TAFA1: variants seen among roughly 807,000 people sequenced by gnomAD.
TAFA1 encodes chemokine-like protein TAFA-1.
Under a neutral mutation model 18.5 loss-of-function variants are expected in TAFA1, and 4 were observed. The observed-to-expected ratio is 0.22, with a 90% CI of 0.11 to 0.49. TAFA1 has a LOEUF of 0.49. TAFA1 is among the 20% of genes least tolerant of loss of function. The probability of loss-of-function intolerance (pLI) is 0.98; values close to 1 mark genes in which losing one functional copy is unlikely to be tolerated. For synonymous variants in TAFA1, 56 were observed against 55.2 expected (o/e 1.01, Z -0.06); for missense variants, 147 against 169.0 (o/e 0.87, Z 0.72).
chr3:68,042,745 T>TA (rs1705192277), intron 2 of TAFA1, among the ~76,000 whole-genome samples: 2 of 152,204 alleles, frequency 1.3e-5, no homozygotes, highest in South Asian at 2.1e-4. Flanking sequence ...TTTCATGACA[T>TA]ATCTTAGAAT....
At chr3:68,008,322 C>A (rs1367387108) in intron 2 of TAFA1, among the ~76,000 whole-genome samples, 2 of 152,228 alleles carry the variant, frequency 1.3e-5, no homozygotes, top group Non-Finnish European at 1.5e-5. Flanking sequence ...TTTGTTCTGG[C>A]ACAAATGTCT....
chr3:68,510,669 C>T (rs1300864144), intron 3 of TAFA1, among the ~76,000 whole-genome samples: 4 of 152,074 alleles, frequency 2.6e-5, no homozygotes, highest in South Asian at 2.1e-4. Context: ...TAAACTGAGA[C>T]TCAAAAAAGT....
intron 2 of TAFA1, among the ~76,000 whole-genome samples, chr3:68,132,044 G>A (rs375166189): frequency 6.6e-5 from 10 of 151,936 alleles, no homozygotes; most frequent in South Asian, 2.1e-4. Context: ...CTCATCCCCC[G>A]GACAGGCCCA....
At position 68,538,802 on chromosome 3, in the gene TAFA1, A is replaced by G; in HGVS notation, c.306A>G (p.Leu102=). The G allele has an allele frequency of 6.2e-7, 1 of 1,613,584 alleles. No individual in the cohort carries two copies. Among genetic ancestry groups the G allele is most frequent in the Non-Finnish European group, 8.5e-7 (1 of 1,179,632 alleles). ...GKWWCEMEPC[L]EGEECKTLPD... is the part of the protein sequence containing the mutation. ...GGTGGTGTGAGATGGAGCCTTGCCT[A>G]GAAGGAGAAGAATGTAAGACACTCC... is the stretch of plus-strand genomic sequence containing the variant. The change falls in exon 4 of 5, where the codon CTA becomes CTG. Residue 102 remains leucine (L), a synonymous_variant. Transcript: ENST00000478136.
chr3:68,395,364 A>G (rs960887988), intron 2 of TAFA1, among the ~76,000 whole-genome samples: 2 of 152,202 alleles, frequency 1.3e-5, no homozygotes, highest in Non-Finnish European at 2.9e-5. Context: ...TAGTTCAACC[A>G]TTGTGGGAAA....
At chr3:68,520,029 C>T (rs959674801) in intron 3 of TAFA1, among the ~76,000 whole-genome samples, 1 of 152,124 alleles carries the variant, frequency 6.6e-6, no homozygotes, top group Non-Finnish European at 1.5e-5. Context: ...GATCGTATGA[C>T]CAACAAAATC....
chr3:68,071,071 C>A (rs375973020), intron 2 of TAFA1, among the ~76,000 whole-genome samples: 62 of 152,326 alleles, frequency 4.1e-4, no homozygotes, highest in African/African-American at 1.3e-3. Context: ...ATCTTTTCAG[C>A]AGTCCCCCAT....
At chr3:68,460,602 A>G (rs1297684646) in intron 3 of TAFA1, among the ~76,000 whole-genome samples, 1 of 152,196 alleles carries the variant, frequency 6.6e-6, no homozygotes, top group Non-Finnish European at 1.5e-5. Flanking sequence ...ATAGATTCAG[A>G]GCATCTCTCG....
chr3:68,289,367 T>C (rs1194666789), intron 2 of TAFA1, among the ~76,000 whole-genome samples: 2 of 149,856 alleles, frequency 1.3e-5, no homozygotes, highest in Non-Finnish European at 3.0e-5. Flanking sequence ...TGTGTCCTAT[T>C]TTAAAATCTC....
At chr3:68,001,425 T>C (rs563204221), upstream of TAFA1, among the ~76,000 whole-genome samples, 109 of 152,314 alleles carry the variant, frequency 7.2e-4, no homozygotes, top group East Asian at 7.7e-4. Flanking sequence ...CTGAAAATTC[T>C]GCCTTACGGA....
intron 2 of TAFA1, among the ~76,000 whole-genome samples, chr3:68,378,012 C>T (rs1242569604): frequency 6.6e-6 from 1 of 152,178 alleles, no homozygotes; most frequent in Non-Finnish European, 1.5e-5. Flanking sequence ...CCTGGATGTC[C>T]AGGCAGAAGT....
At chr3:68,481,286 G>T (rs989589250) in intron 3 of TAFA1, among the ~76,000 whole-genome samples, 5 of 152,192 alleles carry the variant, frequency 3.3e-5, no homozygotes, top group Non-Finnish European at 7.3e-5. Flanking sequence ...GGCACCACCA[G>T]GGAGATCATC....
At chr3:68,069,347 A>C (rs1029491978) in intron 2 of TAFA1, among the ~76,000 whole-genome samples, 1 of 152,186 alleles carries the variant, frequency 6.6e-6, no homozygotes, top group Non-Finnish European at 1.5e-5. Flanking sequence ...TTGAGCAGGG[A>C]AAGTCCCCCT....
At chr3:67,996,905 C>T in the TAFA1 span, among the ~76,000 whole-genome samples, 1 of 151,990 alleles carries the variant, frequency 6.6e-6, no homozygotes, top group African/African-American at 2.4e-5. Context: ...AGTGGAGAGA[C>T]AATAATAGAG....
At chr3:68,464,277 C>G (rs2071840674) in intron 3 of TAFA1, among the ~76,000 whole-genome samples, 1 of 152,008 alleles carries the variant, frequency 6.6e-6, no homozygotes, top group Non-Finnish European at 1.5e-5. Flanking sequence ...AATGAAAATG[C>G]AAAAAGAATA....
the TAFA1 span, among the ~76,000 whole-genome samples, chr3:67,993,136 C>T: frequency 2.0e-5 from 3 of 152,234 alleles, no homozygotes; most frequent in Non-Finnish European, 4.4e-5. Context: ...AGAACCTAGT[C>T]CACAGGACCA....
chr3:68,025,211 C>G (rs916148176), intron 2 of TAFA1, among the ~76,000 whole-genome samples: 3 of 152,138 alleles, frequency 2.0e-5, no homozygotes, highest in Admixed American at 2.0e-4. Context: ...CCATTCTTCT[C>G]AGATTTTACA....
At chr3:68,078,416 T>G (rs2106767080) in intron 2 of TAFA1, among the ~76,000 whole-genome samples, 1 of 152,338 alleles carries the variant, frequency 6.6e-6, no homozygotes, top group Non-Finnish European at 1.5e-5. Context: ...CTTCCAATTT[T>G]TGCCCATTCA....
chr3:68,386,511 C>A (rs564517953), intron 2 of TAFA1, among the ~76,000 whole-genome samples: 4 of 152,162 alleles, frequency 2.6e-5, no homozygotes, highest in South Asian at 2.1e-4. Flanking sequence ...GTTAAGAACT[C>A]ATCTAGGGTG....
Sources: gnomAD v4.1 joint callset for allele counts (sites outside exome capture counted in the v4.1 genomes callset) on GRCh38, gnomAD v4.1.1 for gene constraint, MANE v1.5 for transcripts, NCBI Gene and HGNC (gene_info 2026-07-23, HGNC 2026-07-21) for gene names.